CSMD3: variants seen among roughly 807,000 people sequenced by gnomAD.
The protein encoded by CSMD3 is CUB and Sushi multiple domains 3.
Under a neutral mutation model 435.2 loss-of-function variants are expected in CSMD3, and 177 were observed. The observed-to-expected ratio is 0.41, with a 90% CI of 0.36 to 0.46. The LOEUF is 0.46. CSMD3 is among the 20% of genes least tolerant of loss of function. The pLI is 0.34. For missense variants in CSMD3, 4,265 were observed against 4,504.6 expected (o/e 0.95, Z 1.52); for synonymous variants, 1,656 against 1,520.5 (o/e 1.09, Z -2.07).
At chr8:112,942,333 A>G (rs1167695158) in intron 9 of CSMD3, among the ~76,000 whole-genome samples, 2 of 151,642 alleles carry the variant, frequency 1.3e-5, no homozygotes, top group African/African-American at 4.8e-5. Context: ...ACTTAGAACT[A>G]CCATTCAACC....
intron 5 of CSMD3, among the ~76,000 whole-genome samples, chr8:113,034,446 A>G (rs931223751): frequency 6.8e-6 from 1 of 146,224 alleles, no homozygotes; most frequent in Non-Finnish European, 1.6e-5. Context: ...ACATTATATG[A>G]TTCTATTTAT....
intron 65 of CSMD3, among the ~76,000 whole-genome samples, chr8:112,243,638 T>C (rs1324902623): frequency 1.3e-5 from 2 of 152,124 alleles, no homozygotes; most frequent in Non-Finnish European, 2.9e-5. Context: ...GGAAGGACTC[T>C]TTCTACTAGG....
chr8:112,419,986 T>C (rs1401666233), intron 32 of CSMD3, among the ~76,000 whole-genome samples: 1 of 152,196 alleles, frequency 6.6e-6, no homozygotes, highest in Non-Finnish European at 1.5e-5. Flanking sequence ...AGCACTTTTG[T>C]TTTGAACCAT....
chr8:112,533,144 A>T (rs1420067994), intron 27 of CSMD3, among the ~76,000 whole-genome samples: 2 of 152,064 alleles, frequency 1.3e-5, no homozygotes, highest in African/African-American at 2.4e-5. Flanking sequence ...AAAGCAAGGG[A>T]TTCAAACATA....
intron 3 of CSMD3, among the ~76,000 whole-genome samples, chr8:113,261,157 T>G (rs1012048636): frequency 2.0e-5 from 3 of 152,102 alleles, no homozygotes; most frequent in African/African-American, 7.2e-5. Context: ...TACAGATTGG[T>G]CCATAGTGTC....
intron 32 of CSMD3, among the ~76,000 whole-genome samples, chr8:112,420,906 A>G (rs1280310524): frequency 1.3e-5 from 2 of 152,070 alleles, no homozygotes; most frequent in East Asian, 3.9e-4. Flanking sequence ...CTTTCATTGA[A>G]TTCTTTAACT....
chr8:112,563,077 A>G (rs1828778845), intron 24 of CSMD3, among the ~76,000 whole-genome samples: 1 of 151,842 alleles, frequency 6.6e-6, no homozygotes, highest in Admixed American at 6.6e-5. Flanking sequence ...ATACTTCAAG[A>G]TAACAAACAA....
intron 3 of CSMD3, among the ~76,000 whole-genome samples, chr8:113,208,251 T>A (rs757893392): frequency 2.7e-4 from 41 of 152,118 alleles, no homozygotes; most frequent in Admixed American, 1.1e-3. Context: ...TATTTAGCAA[T>A]GTGGGATGGA....
intron 3 of CSMD3, among the ~76,000 whole-genome samples, chr8:113,195,812 T>TACACACACACACAC (rs1399362220): frequency 7.2e-6 from 1 of 139,562 alleles, no homozygotes; most frequent in African/African-American, 2.8e-5. Flanking sequence ...TATATATATA[T>TACACACACACACAC]ATACACACAC....
At chr8:113,342,412 T>G (rs780845746) in intron 1 of CSMD3, among the ~76,000 whole-genome samples, 83 of 152,174 alleles carry the variant, frequency 5.5e-4, no homozygotes, top group Non-Finnish European at 8.2e-4. Flanking sequence ...ATTTGCAGAC[T>G]AATAAGCAGT....
At chr8:112,525,796 GTATATATA>G (rs563394357) in intron 27 of CSMD3, among the ~76,000 whole-genome samples, 2 of 116,118 alleles carry the variant, frequency 1.7e-5, no homozygotes, top group East Asian at 4.8e-4. Context: ...ATATATATAT[GTATATATA>G]TATATACACA....
At chr8:112,871,610 G>A (rs545925333) in intron 10 of CSMD3, among the ~76,000 whole-genome samples, 3 of 151,984 alleles carry the variant, frequency 2.0e-5, no homozygotes, top group South Asian at 2.1e-4. Context: ...AGGAAAGAAA[G>A]TGCAAACAAC....
intron 13 of CSMD3, among the ~76,000 whole-genome samples, chr8:112,691,538 G>C (rs1011782707): frequency 6.6e-6 from 1 of 152,014 alleles, no homozygotes; most frequent in East Asian, 1.9e-4. Context: ...CTTGGAGAGG[G>C]TTTTGGGCCA....
chr8:113,178,243 A>C (rs1352446144), intron 3 of CSMD3, among the ~76,000 whole-genome samples: 1 of 151,942 alleles, frequency 6.6e-6, no homozygotes. Flanking sequence ...CATTGTGTAG[A>C]AAGGAAAACT....
chr8:112,555,949 T>C (rs1339995860), intron 25 of CSMD3, among the ~76,000 whole-genome samples: 1 of 151,958 alleles, frequency 6.6e-6, no homozygotes, highest in Non-Finnish European at 1.5e-5. Flanking sequence ...TGACACAGAA[T>C]GGATTTCTGC....
At chr8:113,414,194 G>A (rs1452935733) in intron 1 of CSMD3, among the ~76,000 whole-genome samples, 4 of 152,304 alleles carry the variant, frequency 2.6e-5, no homozygotes, top group Non-Finnish European at 2.9e-5. Flanking sequence ...GTAAAATGTG[G>A]TGTGGCTTTT....
chr8:112,955,799 A>G (rs2083994452), intron 7 of CSMD3, among the ~76,000 whole-genome samples: 2 of 151,930 alleles, frequency 1.3e-5, no homozygotes, highest in Admixed American at 6.6e-5. Flanking sequence ...ACAGCCTTAA[A>G]TGTTATGCAA....
chr8:113,250,142 G>C (rs924472286), intron 3 of CSMD3, among the ~76,000 whole-genome samples: 47 of 152,214 alleles, frequency 3.1e-4, no homozygotes, highest in African/African-American at 1.0e-3. Context: ...GGGGATCTAA[G>C]AGAATTGTAA....
Position 112,755,128 on chromosome 8 carries a change from G to A in CSMD3, c.1972+45034C>T, listed in dbSNP as rs967553702. On this transcript the variant is annotated intron_variant, in intron 13 of 70. Coordinates refer to ENST00000297405, the MANE Select transcript of CSMD3 (RefSeq NM_198123.2). Reference sequence around the variant, plus strand: ...AGGCGGATCACGAGGTCAGCAGATCGAGACCATCTTGGCTAACACGGTGAA... The same window carrying A: ...AGGCGGATCACGAGGTCAGCAGATCAAGACCATCTTGGCTAACACGGTGAA... Among the ~76,000 whole-genome samples the A allele has an allele frequency of 2.6e-5, 4 of 151,854 alleles. No individual in the cohort carries two copies. The South Asian group carries it at 8.3e-4, about 32-fold the overall frequency.
Sources: gnomAD v4.1 joint callset for allele counts (sites outside exome capture counted in the v4.1 genomes callset) on GRCh38, gnomAD v4.1.1 for gene constraint, MANE v1.5 for transcripts, NCBI Gene and HGNC (gene_info 2026-07-23, HGNC 2026-07-21) for gene names.